Variants in TGFB2 observed in about 807,000 individuals in gnomAD.
The protein encoded by TGFB2 is transforming growth factor beta-2 proprotein.
Under a neutral mutation model 42.7 loss-of-function variants are expected in TGFB2, and 13 were observed. The ratio of observed to expected loss-of-function variants is 0.30; its 90% CI spans 0.20 to 0.48. The LOEUF (loss-of-function observed/expected upper bound fraction) is 0.48. TGFB2 is among the 20% of genes least tolerant of loss of function. The pLI is 0.99. For missense variants in TGFB2, 390 were observed against 517.5 expected, an observed-to-expected ratio of 0.75 and a Z score of 2.39; for synonymous variants, 193 against 193.6, an observed-to-expected ratio of 1.00 and a Z score of 0.03.
At chr1:218,402,179 A>G (rs1558246601) in intron 1 of TGFB2, among the ~76,000 whole-genome samples, 1 of 152,240 alleles carries the variant, frequency 6.6e-6, no homozygotes, top group Non-Finnish European at 1.5e-5. Context: ...ACACCAAAGC[A>G]GTGGCTGATG....
At chr1:218,368,979 G>T (rs903124238) in intron 1 of TGFB2, among the ~76,000 whole-genome samples, 1 of 151,988 alleles carries the variant, frequency 6.6e-6, no homozygotes, top group Non-Finnish European at 1.5e-5. Flanking sequence ...ATGTTGGGCC[G>T]GGCACGGTGG....
At chr1:218,363,121 T>A (rs1443969826) in intron 1 of TGFB2, among the ~76,000 whole-genome samples, 2 of 152,226 alleles carry the variant, frequency 1.3e-5, no homozygotes, top group African/African-American at 4.8e-5. Flanking sequence ...TGACTGCTGG[T>A]TAAGGGATGC....
chr1:218,404,262 G>A (rs916539795), intron 1 of TGFB2, among the ~76,000 whole-genome samples: 16 of 152,170 alleles, frequency 1.1e-4, no homozygotes, highest in African/African-American at 2.9e-4. Context: ...ACAGGTGCGC[G>A]CCACCACGCC....
intron 1 of TGFB2, among the ~76,000 whole-genome samples, chr1:218,355,151 C>T (rs1656992451): frequency 1.3e-5 from 2 of 152,212 alleles, no homozygotes; most frequent in South Asian, 2.1e-4. Flanking sequence ...CCATCCGCCT[C>T]GGTCTCCCAA....
intron 1 of TGFB2, among the ~76,000 whole-genome samples, chr1:218,355,783 G>A (rs1183031854): frequency 6.6e-6 from 1 of 152,124 alleles, no homozygotes; most frequent in East Asian, 1.9e-4. Context: ...TATTTTATGT[G>A]CCACTAACAA....
intron 2 of TGFB2, among the ~76,000 whole-genome samples, chr1:218,432,559 G>A (rs1285288743): frequency 6.6e-6 from 1 of 152,140 alleles, no homozygotes; most frequent in African/African-American, 2.4e-5. Flanking sequence ...AACAAATCAT[G>A]TACACACATG....
intron 1 of TGFB2, among the ~76,000 whole-genome samples, chr1:218,396,849 G>T (rs773345842): frequency 6.6e-6 from 1 of 152,192 alleles, no homozygotes; most frequent in Non-Finnish European, 1.5e-5. Flanking sequence ...ATTAAAATGT[G>T]CAGTCAAGGC....
chr1:218,436,125 T>G lies in TGFB2; in HGVS notation c.910T>G (p.Leu304Val), dbSNP rs1478901182. Reference protein sequence around the residue: ...QQTNRRKKRALDAAYCFRNVQ... With the variant: ...QQTNRRKKRAVDAAYCFRNVQ... ...GACCAACCGGCGGAAGAAGCGTGCT[T>G]TGGATGCGGCCTATTGCTTTAGGTA... Residue 304 changes from leucine to valine, a missense_variant, in exon 5 of 7, where the codon TTG becomes GTG. Transcript: ENST00000366930. The G allele has an allele frequency of 1.2e-6, 2 of 1,613,192 alleles. No homozygotes were observed. The highest frequency in any genetic ancestry group is 1.7e-5 in the Admixed American group (1 of 59,836).
chr1:218,347,167 C>A (rs1656715245), intron 1 of TGFB2, 120 bp downstream of exon 1: 5 of 856,484 alleles, frequency 5.8e-6, no homozygotes, highest in Non-Finnish European at 9.1e-6. Flanking sequence ...TTTTCCCGTT[C>A]TCCTGTCCTT....
chr1:218,373,693 A>G (rs1376377964), intron 1 of TGFB2, among the ~76,000 whole-genome samples: 1 of 152,144 alleles, frequency 6.6e-6, no homozygotes, highest in African/African-American at 2.4e-5. Flanking sequence ...TCACTCCTCC[A>G]AGATGATTAA....
At chr1:218,433,383 T>G (rs1659870596) in intron 2 of TGFB2, among the ~76,000 whole-genome samples, 1 of 152,196 alleles carries the variant, frequency 6.6e-6, no homozygotes, top group Admixed American at 6.5e-5. Flanking sequence ...TACATCTTCC[T>G]AAAGCCTCAG....
intron 6 of TGFB2, among the ~76,000 whole-genome samples, chr1:218,438,383 G>A (rs1002153691): frequency 6.6e-6 from 1 of 152,136 alleles, no homozygotes; most frequent in African/African-American, 2.4e-5. Flanking sequence ...GGGAGTGTGT[G>A]ATTATTAGTA....
intron 1 of TGFB2, among the ~76,000 whole-genome samples, chr1:218,398,249 G>A (rs182097977): frequency 6.6e-6 from 1 of 152,376 alleles, no homozygotes; most frequent in Admixed American, 6.5e-5. Flanking sequence ...GCCGTGGGCT[G>A]GGAGCCTCAC....
At position 218,346,954 on chromosome 1, in the gene TGFB2, A is replaced by C; in HGVS notation, c.253A>C (p.Arg85=). Residue 85 remains arginine, a synonymous_variant, in exon 1 of 7, where the codon AGG becomes CGG. Coordinates refer to ENST00000366930, the MANE Select transcript of TGFB2 (RefSeq NM_003238.6). This position sits in a 1 kb window ranked among gnomAD's most constrained non-coding sequence, Gnocchi z 4.9. ...RDLLQEKASR[R]AAACERERSD... ...CTTGCTCCAGGAGAAGGCGAGCCGG[A>C]GGGCGGCCGCCTGCGAGCGCGAGAG... is the stretch of plus-strand genomic sequence containing the variant. The C allele has an allele frequency of 6.2e-7, 1 of 1,614,032 alleles. No individual in the cohort carries two copies.
intron 1 of TGFB2, among the ~76,000 whole-genome samples, chr1:218,356,932 C>T (rs1657053955): frequency 6.6e-6 from 1 of 152,172 alleles, no homozygotes; most frequent in Non-Finnish European, 1.5e-5. Context: ...AAAGAGGAGG[C>T]CGGGTGCAGT....
rs185480671 is a variant in TGFB2 at position 218,378,932 on chromosome 1, G to A, written c.347-26237G>A. On this transcript the variant is annotated intron_variant, in intron 1 of 6. Coordinates refer to ENST00000366930, the MANE Select transcript of TGFB2 (RefSeq NM_003238.6). Reference sequence around the variant, plus strand: ...CAGCCTTCACATTGCTTCCTCGCTGGGTCTGTGGCTATTACCCTCCTGAGC... The same window carrying A: ...CAGCCTTCACATTGCTTCCTCGCTGAGTCTGTGGCTATTACCCTCCTGAGC... Among the ~76,000 whole-genome samples, 416 of 152,096 alleles carry A rather than the reference G, an allele frequency of 2.7e-3. 2 individuals are homozygous for A. Among genetic ancestry groups the A allele is most frequent in the African/African-American group, 9.6e-3 (398 of 41,518 alleles).
intron 1 of TGFB2, among the ~76,000 whole-genome samples, chr1:218,398,714 A>C (rs1402385305): frequency 1.3e-5 from 2 of 151,794 alleles, no homozygotes; most frequent in African/African-American, 4.8e-5. Flanking sequence ...CAGCCTCCCG[A>C]GTAGCTGGGG....
At chr1:218,395,382 G>A (rs1017417447) in intron 1 of TGFB2, among the ~76,000 whole-genome samples, 2 of 152,194 alleles carry the variant, frequency 1.3e-5, no homozygotes, top group African/African-American at 2.4e-5. Context: ...CTCTAGTGGA[G>A]GAGGAGCTGC....
intron 2 of TGFB2, among the ~76,000 whole-genome samples, chr1:218,405,892 A>C (rs1658895572): frequency 6.6e-6 from 1 of 152,142 alleles, no homozygotes. Flanking sequence ...CCTCAGTTGC[A>C]TGAACAGCTG....
Sources: gnomAD v4.1 joint callset for allele counts (sites outside exome capture counted in the v4.1 genomes callset) on GRCh38, gnomAD v4.1.1 for gene constraint, Gnocchi (gnomAD v3.1) non-coding constraint, MANE v1.5 for transcripts, NCBI Gene and HGNC (gene_info 2026-07-23, HGNC 2026-07-21) for gene names.